XKR4: variants seen among roughly 807,000 people sequenced by gnomAD.
The protein encoded by XKR4 is XK related 4.
Under a neutral mutation model 53.9 loss-of-function variants are expected in XKR4, and 12 were observed. The ratio of observed to expected loss-of-function variants is 0.22; its 90% confidence interval spans 0.14 to 0.36. The LOEUF is 0.36. XKR4 is among the 10% of genes least tolerant of loss of function. XKR4 has a pLI of 1.00. For synonymous variants in XKR4, 354 were observed against 362.4 expected, an observed-to-expected ratio of 0.98 and a Z score of 0.26; for missense variants, 799 against 859.5, an observed-to-expected ratio of 0.93 and a Z score of 0.88.
At chr8:55,427,969 C>T (rs1805041584) in intron 2 of XKR4, among the ~76,000 whole-genome samples, 1 of 152,152 alleles carries the variant, frequency 6.6e-6, no homozygotes, top group Admixed American at 6.5e-5. Context: ...TCTCCAAGTA[C>T]AGATTATCAT....
At chr8:55,463,018 T>A (rs1247588344) in intron 2 of XKR4, among the ~76,000 whole-genome samples, 1 of 152,126 alleles carries the variant, frequency 6.6e-6, no homozygotes, top group Non-Finnish European at 1.5e-5. Context: ...TCCCACACTA[T>A]AATAATGCGA....
chr8:55,278,993 G>A (rs1311311331), intron 1 of XKR4, among the ~76,000 whole-genome samples: 1 of 152,100 alleles, frequency 6.6e-6, no homozygotes, highest in Non-Finnish European at 1.5e-5. Flanking sequence ...ACTAGCTTTT[G>A]GGAAATAATT....
At chr8:55,433,993 C>T (rs1381159622) in intron 2 of XKR4, among the ~76,000 whole-genome samples, 2 of 152,158 alleles carry the variant, frequency 1.3e-5, no homozygotes, top group African/African-American at 4.8e-5. Context: ...GTGATCACAC[C>T]ACTGCACTCC....
chr8:55,496,058 C>T (rs1806343496), intron 2 of XKR4, among the ~76,000 whole-genome samples: 1 of 152,210 alleles, frequency 6.6e-6, no homozygotes, highest in African/African-American at 2.4e-5. Context: ...AGTCAAAGCT[C>T]ACCTGCTGGC....
intron 2 of XKR4, among the ~76,000 whole-genome samples, chr8:55,456,371 C>T (rs543562760): frequency 4.6e-5 from 7 of 151,902 alleles, no homozygotes; most frequent in African/African-American, 7.2e-5. Flanking sequence ...GCAGAGGTTG[C>T]GGTGAGCTGA....
intron 2 of XKR4, among the ~76,000 whole-genome samples, chr8:55,443,839 C>T (rs967721571): frequency 1.1e-3 from 23 of 21,638 alleles, no homozygotes; most frequent in African/African-American, 7.0e-3. Flanking sequence ...AACTCCGTCT[C>T]AAAAAAAAAA....
chr8:55,523,008 A>G (rs1806820712), intron 2 of XKR4, among the ~76,000 whole-genome samples: 1 of 151,958 alleles, frequency 6.6e-6, no homozygotes. Context: ...CAGGCATGGT[A>G]GTGGGCGCCT....
At chr8:55,266,528 A>G (rs1818604000) in intron 1 of XKR4, among the ~76,000 whole-genome samples, 1 of 152,198 alleles carries the variant, frequency 6.6e-6, no homozygotes, top group African/African-American at 2.4e-5. Context: ...CCCTTTTGAA[A>G]GAAGATAGAA....
intron 1 of XKR4, among the ~76,000 whole-genome samples, chr8:55,310,669 A>G (rs1024050950): frequency 2.0e-5 from 3 of 152,228 alleles, no homozygotes; most frequent in Non-Finnish European, 4.4e-5. Flanking sequence ...AGCCTCCACC[A>G]TAACATAAGA....
At chr8:55,455,003 C>A in intron 2 of XKR4, 1 of 808,178 alleles carries the variant, frequency 1.2e-6, no homozygotes, top group Non-Finnish European at 2.2e-6. Flanking sequence ...GCTGGACTGG[C>A]AAAACAGCTG....
At chr8:55,234,545 C>T (rs1818092329) in intron 1 of XKR4, among the ~76,000 whole-genome samples, 1 of 152,150 alleles carries the variant, frequency 6.6e-6, no homozygotes, top group African/African-American at 2.4e-5. Flanking sequence ...CTACATTACA[C>T]CTCTCACAAA....
chr8:55,397,772 C>A (rs1804543585), intron 2 of XKR4, among the ~76,000 whole-genome samples: 1 of 152,170 alleles, frequency 6.6e-6, no homozygotes, highest in African/African-American at 2.4e-5. Context: ...TCCAGCTTCA[C>A]TGCAAGTCCT....
At chr8:55,369,097 C>A (rs1164314528) in intron 2 of XKR4, among the ~76,000 whole-genome samples, 1 of 151,970 alleles carries the variant, frequency 6.6e-6, no homozygotes, top group Admixed American at 6.5e-5. Flanking sequence ...TATGGTGGCT[C>A]ACACCTATAA....
At chr8:55,368,878 T>A (rs940002562) in intron 2 of XKR4, among the ~76,000 whole-genome samples, 6 of 152,206 alleles carry the variant, frequency 3.9e-5, no homozygotes, top group African/African-American at 1.4e-4. Context: ...TGTCACAGTG[T>A]TATTTTACAT....
intron 2 of XKR4, among the ~76,000 whole-genome samples, chr8:55,482,496 T>C (rs1248345537): frequency 3.3e-5 from 5 of 151,978 alleles, no homozygotes; most frequent in African/African-American, 1.2e-4. Context: ...TGTATACATA[T>C]GTAACAAACC....
chr8:55,452,463 C>T (rs922990810), intron 2 of XKR4: 10 of 630,416 alleles, frequency 1.6e-5, no homozygotes, highest in African/African-American at 5.4e-5. Context: ...ACCCTCCTCA[C>T]GCCCATCCGG....
chr8:55,217,892 A>G (rs1251256463), intron 1 of XKR4, among the ~76,000 whole-genome samples: 1 of 152,236 alleles, frequency 6.6e-6, no homozygotes, highest in Non-Finnish European at 1.5e-5. Context: ...AAGTAAGAAG[A>G]GCAAAGGTAA....
chr8:55,230,443 A>C (rs1585954174), intron 1 of XKR4, among the ~76,000 whole-genome samples: 2 of 151,096 alleles, frequency 1.3e-5, no homozygotes, highest in South Asian at 4.2e-4. Flanking sequence ...GCTCACTACA[A>C]CCTCTGCCTC....
At chr8:55,467,818 T>C (rs1407471051) in intron 2 of XKR4, among the ~76,000 whole-genome samples, 1 of 152,178 alleles carries the variant, frequency 6.6e-6, no homozygotes, top group Non-Finnish European at 1.5e-5. Context: ...TCCATTTATG[T>C]GGTTGTTTTC....
Sources: gnomAD v4.1 joint callset for allele counts (sites outside exome capture counted in the v4.1 genomes callset) on GRCh38, gnomAD v4.1.1 for gene constraint, MANE v1.5 for transcripts, NCBI Gene and HGNC (gene_info 2026-07-23, HGNC 2026-07-21) for gene names.